CNOT6L: variants seen among roughly 807,000 people sequenced by gnomAD.
CNOT6L encodes CCR4-NOT transcription complex subunit 6-like.
A neutral mutation model predicts 64.0 loss-of-function variants in CNOT6L; 7 were observed. That is an observed-to-expected ratio of 0.11 (90% CI 0.06 to 0.21). The LOEUF is 0.21. Ranked by LOEUF, CNOT6L falls within the 10% of genes least tolerant of loss-of-function variation. CNOT6L has a pLI of 1.00. For synonymous variants in CNOT6L, 193 were observed against 243.4 expected (o/e 0.79, Z 1.93); for missense variants, 245 against 669.0 (o/e 0.37, Z 6.99).
intron 1 of CNOT6L, among the ~76,000 whole-genome samples, chr4:77,786,279 T>TG: frequency 6.8e-6 from 1 of 147,592 alleles, no homozygotes; most frequent in East Asian, 2.0e-4. Flanking sequence ...AGACTCCCTC[T>TG]AAAAAAAAAG....
chr4:77,769,197 A>G (rs1389348286), intron 4 of CNOT6L, among the ~76,000 whole-genome samples: 1 of 152,216 alleles, frequency 6.6e-6, no homozygotes, highest in Non-Finnish European at 1.5e-5. Flanking sequence ...TCCATTCATA[A>G]AAAGGTTAGA....
At chr4:77,760,097 G>A (rs1726028105) in intron 4 of CNOT6L, among the ~76,000 whole-genome samples, 1 of 152,096 alleles carries the variant, frequency 6.6e-6, no homozygotes, top group Non-Finnish European at 1.5e-5. Context: ...ATTGGTCCGG[G>A]CATGGTGGTT....
intron 11 of CNOT6L, among the ~76,000 whole-genome samples, chr4:77,720,888 C>A (rs1438756257): frequency 6.6e-6 from 1 of 152,054 alleles, no homozygotes; most frequent in Middle Eastern, 3.2e-3. Context: ...ATTTGAGAAG[C>A]TAAACACATT....
chr4:77,731,743 A>G (rs1722460392), intron 8 of CNOT6L: 1 of 456,118 alleles, frequency 2.2e-6, no homozygotes, highest in Non-Finnish European at 3.9e-6. Flanking sequence ...CAGCATATAT[A>G]TCCCTTCATG....
chr4:77,739,210 C>T (rs1050240900), intron 8 of CNOT6L, among the ~76,000 whole-genome samples: 9 of 151,998 alleles, frequency 5.9e-5, no homozygotes, highest in Non-Finnish European at 5.9e-5. Context: ...TTTATTGTTG[C>T]GTATTCTGTA....
chr4:77,753,802 C>CA (rs942927149), intron 5 of CNOT6L, among the ~76,000 whole-genome samples: 7 of 146,886 alleles, frequency 4.8e-5, no homozygotes, highest in Non-Finnish European at 9.0e-5. Context: ...GTATAACATA[C>CA]AAAAAAACCA....
chr4:77,818,617 G>C (rs1275687042), intron 1 of CNOT6L, among the ~76,000 whole-genome samples: 6 of 152,188 alleles, frequency 3.9e-5, no homozygotes, highest in African/African-American at 1.2e-4. Flanking sequence ...TCCCACAGCC[G>C]GCCGGGCGAA....
chr4:77,776,834 T>C (rs565190060), intron 1 of CNOT6L, among the ~76,000 whole-genome samples: 105 of 152,158 alleles, frequency 6.9e-4, no homozygotes, highest in Middle Eastern at 3.4e-3. Context: ...AGTTCAGGAG[T>C]ATCTAATAAT....
chr4:77,763,306 G>A (rs536134290), intron 4 of CNOT6L, among the ~76,000 whole-genome samples: 5 of 152,150 alleles, frequency 3.3e-5, no homozygotes, highest in Admixed American at 1.3e-4. Context: ...AAGGTTGAAA[G>A]TAAATGGATG....
At chr4:77,772,103 A>C (rs1560414814) in intron 4 of CNOT6L, among the ~76,000 whole-genome samples, 1 of 152,264 alleles carries the variant, frequency 6.6e-6, no homozygotes, top group Non-Finnish European at 1.5e-5. Context: ...TAATTTACTT[A>C]ATAGGTACAG....
At chr4:77,771,461 A>G (rs888019227) in intron 4 of CNOT6L, among the ~76,000 whole-genome samples, 2 of 152,256 alleles carry the variant, frequency 1.3e-5, no homozygotes, top group East Asian at 3.8e-4. Flanking sequence ...TTTCAGCTAC[A>G]TAAGAATAAG....
intron 8 of CNOT6L, chr4:77,731,941 T>C (rs1046452734): frequency 5.1e-5 from 8 of 157,130 alleles, no homozygotes; most frequent in African/African-American, 1.9e-4. Context: ...TTTAAGCTAC[T>C]GCTAGAATTT....
At chr4:77,801,734 A>G (rs1731607014) in intron 1 of CNOT6L, among the ~76,000 whole-genome samples, 1 of 150,856 alleles carries the variant, frequency 6.6e-6, no homozygotes, top group African/African-American at 2.5e-5. Context: ...TTTATCAAAA[A>G]CCCATTATAA....
intron 1 of CNOT6L, among the ~76,000 whole-genome samples, chr4:77,799,531 C>T (rs1731264330): frequency 6.6e-6 from 1 of 151,802 alleles, no homozygotes; most frequent in African/African-American, 2.4e-5. Flanking sequence ...ATGGTGAAAC[C>T]CCGTTTCTAC....
intron 9 of CNOT6L, 22 bp downstream of exon 9, chr4:77,731,365 G>C: frequency 6.2e-7 from 1 of 1,600,728 alleles, no homozygotes; most frequent in Non-Finnish European, 8.5e-7. Flanking sequence ...TTTTTAGTAA[G>C]AATATTTTAC....
chr4:77,773,550 A>G (rs1300393568), intron 3 of CNOT6L, among the ~76,000 whole-genome samples: 2 of 152,222 alleles, frequency 1.3e-5, no homozygotes, highest in Admixed American at 6.5e-5. Context: ...TTAATAGAAA[A>G]AAGTACAAAT....
intron 10 of CNOT6L, among the ~76,000 whole-genome samples, 195 bp downstream of exon 10, chr4:77,728,659 T>C (rs1202284652): frequency 6.6e-6 from 1 of 152,208 alleles, no homozygotes; most frequent in African/African-American, 2.4e-5. Context: ...ATTTATTGCT[T>C]TGTTTCCCTT....
At chr4:77,807,789 T>C (rs1485349390) in intron 1 of CNOT6L, among the ~76,000 whole-genome samples, 1 of 152,202 alleles carries the variant, frequency 6.6e-6, no homozygotes, top group Non-Finnish European at 1.5e-5. Flanking sequence ...AGCAGCAAGA[T>C]ATCTTAGGAA....
At chr4:77,785,576 CTT>C (rs376900434) in intron 1 of CNOT6L, among the ~76,000 whole-genome samples, 21 of 152,014 alleles carry the variant, frequency 1.4e-4, no homozygotes, top group African/African-American at 4.8e-4. Context: ...ATAAAGCAAT[CTT>C]ATTTTTTAAA....
Sources: gnomAD v4.1 joint callset for allele counts (sites outside exome capture counted in the v4.1 genomes callset) on GRCh38, gnomAD v4.1.1 for gene constraint, MANE v1.5 for transcripts, NCBI Gene and HGNC (gene_info 2026-07-23, HGNC 2026-07-21) for gene names.